The following PTTG1IP2 variants were observed in gnomAD, a reference collection of about 807,000 sequenced individuals.
PTTG1IP2 encodes PTTG1IP family member 2.
At chr7:90,475,029 A>C (rs185403821) in intron 1 of PTTG1IP2, among the ~76,000 whole-genome samples, 1 of 152,318 alleles carries the variant, frequency 6.6e-6, no homozygotes. Context: ...TTTATTACTC[A>C]TAGCACAGCC....
chr7:90,489,085 G>A (rs765786847), intron 4 of PTTG1IP2, 121 bp downstream of exon 4: 1 of 150,668 alleles, frequency 6.6e-6, no homozygotes, highest in Non-Finnish European at 1.5e-5. Flanking sequence ...ATATCCACAT[G>A]GTAAGGAAGA....
chr7:90,492,849 C>A (rs1404685704), intron 5 of PTTG1IP2, among the ~76,000 whole-genome samples: 1 of 152,152 alleles, frequency 6.6e-6, no homozygotes. Context: ...CTACCTAGTT[C>A]CTTGGCTAAC....
chr7:90,497,392 G>A (rs955952558), intron 6 of PTTG1IP2, among the ~76,000 whole-genome samples: 22 of 151,978 alleles, frequency 1.4e-4, no homozygotes, highest in Admixed American at 2.0e-4. Context: ...GTGAAACCCC[G>A]TCTCTACTAA....
intron 6 of PTTG1IP2, among the ~76,000 whole-genome samples, chr7:90,497,715 T>TAAAAA (rs1261744146): frequency 3.6e-5 from 2 of 56,336 alleles, no homozygotes; most frequent in Non-Finnish European, 3.2e-5. Flanking sequence ...AGACCCTGTA[T>TAAAAA]AAAAAAAAAA....
rs1251003168 is a variant in PTTG1IP2 at position 90,479,267 on chromosome 7, A to G, written c.185A>G (p.Asp62Gly). The change falls in exon 2 of 7, where the codon GAT (aspartate) becomes GGT (glycine). Residue 62 changes from aspartate to glycine, a missense_variant. By Grantham distance (94) the Asp-to-Gly change is moderately conservative (BLOSUM62 -1). Transcript: ENST00000509356. ...VKKSCQLCTE[D>G]KKCVWCSEEK... ...AAGAGTTGTCAATTGTGCACAGAAG[A>G]TAAGAAAGTAAGTTAACTTTCTTAT... The G allele has an allele frequency of 6.6e-6, 1 of 152,622 alleles. No individual in the cohort carries two copies. Among genetic ancestry groups the G allele is most frequent in the East Asian group, 1.9e-4 (1 of 5,206 alleles). The allele number at this position is 152,622 out of a possible 1,614,324, so 9.5% of individuals were successfully genotyped here.
chr7:90,483,837 C>T (rs1179199726), intron 2 of PTTG1IP2, among the ~76,000 whole-genome samples: 1 of 152,150 alleles, frequency 6.6e-6, no homozygotes. Context: ...ATTCCTAATT[C>T]CTAAGGAGCG....
At chr7:90,503,858 A>C (rs986345308) in intron 6 of PTTG1IP2, among the ~76,000 whole-genome samples, 1 of 152,262 alleles carries the variant, frequency 6.6e-6, no homozygotes, top group African/African-American at 2.4e-5. Flanking sequence ...ACACAGAGTG[A>C]GCACATACTA....
chr7:90,498,006 A>T (rs1798016376), intron 6 of PTTG1IP2, among the ~76,000 whole-genome samples: 1 of 150,846 alleles, frequency 6.6e-6, no homozygotes, highest in African/African-American at 2.4e-5. Context: ...TATAATTGTT[A>T]TATCCTCTTG....
chr7:90,490,360 A>G (rs1192268266), intron 4 of PTTG1IP2, among the ~76,000 whole-genome samples: 1 of 151,978 alleles, frequency 6.6e-6, no homozygotes, highest in Non-Finnish European at 1.5e-5. Flanking sequence ...AATAAGATAA[A>G]TGCACATTTA....
intron 6 of PTTG1IP2, among the ~76,000 whole-genome samples, chr7:90,509,466 A>T (rs1798160747): frequency 1.3e-5 from 2 of 151,834 alleles, no homozygotes; most frequent in African/African-American, 2.4e-5. Context: ...GGATGCTGTT[A>T]ATATAAAGGA....
At chr7:90,480,389 T>C (rs1797802257) in intron 2 of PTTG1IP2, among the ~76,000 whole-genome samples, 1 of 152,198 alleles carries the variant, frequency 6.6e-6, no homozygotes, top group Non-Finnish European at 1.5e-5. Context: ...ATTCTTCCAG[T>C]TTTTGTTGTC....
intron 1 of PTTG1IP2, among the ~76,000 whole-genome samples, chr7:90,471,553 C>A (rs567122955): frequency 6.6e-6 from 1 of 151,996 alleles, no homozygotes; most frequent in Admixed American, 6.5e-5. Context: ...AGTAACCAGA[C>A]AACAAAGGGG....
chr7:90,493,105 T>G (rs1366724466), intron 5 of PTTG1IP2, among the ~76,000 whole-genome samples: 11 of 152,180 alleles, frequency 7.2e-5, no homozygotes, highest in African/African-American at 2.7e-4. Context: ...GAAAGAGTAC[T>G]GCATAGTCCT....
intron 6 of PTTG1IP2, among the ~76,000 whole-genome samples, chr7:90,508,828 G>A (rs1179281000): frequency 6.6e-6 from 1 of 152,220 alleles, no homozygotes; most frequent in Non-Finnish European, 1.5e-5. Context: ...CTGAAACGTA[G>A]CGTGGTGAAT....
chr7:90,472,492 T>C (rs1348539328), intron 1 of PTTG1IP2, among the ~76,000 whole-genome samples: 1 of 152,200 alleles, frequency 6.6e-6, no homozygotes, highest in Admixed American at 6.5e-5. Context: ...AGGAAATAAA[T>C]TGAAGGCCAA....
At chr7:90,477,113 T>G (rs1226022285) in intron 1 of PTTG1IP2, among the ~76,000 whole-genome samples, 2 of 152,172 alleles carry the variant, frequency 1.3e-5, no homozygotes, top group East Asian at 3.8e-4. Context: ...ACCAGCGATG[T>G]TCTAAGAGAG....
intron 1 of PTTG1IP2, among the ~76,000 whole-genome samples, chr7:90,473,814 C>T (rs1797716820): frequency 6.6e-6 from 1 of 152,218 alleles, no homozygotes; most frequent in South Asian, 2.1e-4. Flanking sequence ...CTGGACTCAC[C>T]TCCCAGCTCT....
intron 1 of PTTG1IP2, among the ~76,000 whole-genome samples, chr7:90,477,657 G>T (rs1456755584): frequency 3.3e-5 from 5 of 152,166 alleles, no homozygotes; most frequent in Non-Finnish European, 5.9e-5. Context: ...ATGACTAAAG[G>T]CAATGTGGTA....
intron 2 of PTTG1IP2, among the ~76,000 whole-genome samples, chr7:90,485,226 C>T (rs765242240): frequency 1.6e-4 from 24 of 152,120 alleles, no homozygotes; most frequent in African/African-American, 5.8e-4. Flanking sequence ...CTATTTTTCC[C>T]CCTTGACCTT....
Sources: gnomAD v4.1 joint callset for allele counts (sites outside exome capture counted in the v4.1 genomes callset) on GRCh38, gnomAD v4.1.1 for gene constraint, MANE v1.5 for transcripts, NCBI Gene and HGNC (gene_info 2026-07-23, HGNC 2026-07-21) for gene names.